Variants in NEK10 observed in about 807,000 individuals in gnomAD.
NEK10 encodes serine/threonine-protein kinase Nek10.
Under a neutral mutation model 159.8 loss-of-function variants are expected in NEK10, and 122 were observed. The ratio of observed to expected loss-of-function variants is 0.76; its 90% CI spans 0.66 to 0.89. The LOEUF (loss-of-function observed/expected upper bound fraction) is 0.89, where lower values mean the gene tolerates loss of function less well. Ranked by LOEUF, NEK10 falls within the 40% of genes least tolerant of loss-of-function variation. NEK10 has a pLI of 0.00. For synonymous variants in NEK10, 466 were observed against 457.1 expected, an observed-to-expected ratio of 1.02 and a Z score of -0.25; for missense variants, 1,342 against 1,323.1, an observed-to-expected ratio of 1.01 and a Z score of -0.22.
intron 18 of NEK10, 90 bp downstream of exon 18, chr3:27,291,172 A>T (rs2042966725): frequency 8.2e-7 from 1 of 1,219,228 alleles, no homozygotes; most frequent in Admixed American, 2.4e-5. Flanking sequence ...TTTCAATGAC[A>T]AGAGTTCTAA....
intron 23 of NEK10, among the ~76,000 whole-genome samples, chr3:27,239,485 A>C (rs1323840784): frequency 6.6e-6 from 1 of 152,186 alleles, no homozygotes; most frequent in Non-Finnish European, 1.5e-5. Flanking sequence ...GAGAATTTAT[A>C]ATTTTAATTT....
At chr3:27,309,814 T>C (rs754778397) in intron 9 of NEK10, 12 of 152,200 alleles carry the variant, frequency 7.9e-5, no homozygotes, top group Non-Finnish European at 1.5e-4. Context: ...ATGAATACTA[T>C]CGAGCATTCC....
chr3:27,220,862 T>G (rs1318863605), intron 23 of NEK10, among the ~76,000 whole-genome samples: 1 of 152,118 alleles, frequency 6.6e-6, no homozygotes, highest in African/African-American at 2.4e-5. Flanking sequence ...CCTTGAGAAA[T>G]AAACCTTATA....
chr3:27,287,329 G>T (rs2042693564), intron 20 of NEK10, among the ~76,000 whole-genome samples: 1 of 152,062 alleles, frequency 6.6e-6, no homozygotes, highest in Non-Finnish European at 1.5e-5. Flanking sequence ...AACTTATTTT[G>T]GGGATGGAAA....
At position 27,287,863 on chromosome 3, in the gene NEK10, C is replaced by T. The variant is rs576678706; in HGVS notation, c.1744-120G>A. On this transcript the variant is annotated intron_variant, in intron 19 of 35. Coordinates refer to ENST00000691995, the MANE Select transcript of NEK10 (RefSeq NM_001394966.1). ...AAAGAAATTATATTTATTTACAAAACTAAGCATTTCAAGATATCATCGAAC... is the reference window on the plus strand; with the variant it reads ...AAAGAAATTATATTTATTTACAAAATTAAGCATTTCAAGATATCATCGAAC... The T allele has an allele frequency of 2.9e-5, 32 of 1,090,450 alleles. No homozygotes were observed. In the African/African-American group the frequency reaches 5.2e-4, roughly 18 times the overall value. 67.5% of individuals were successfully genotyped at this position (1,090,450 alleles called of 1,614,324 possible).
chr3:27,311,423 T>A (rs895641253), intron 8 of NEK10: 1 of 158,902 alleles, frequency 6.3e-6, no homozygotes, highest in African/African-American at 2.4e-5. Context: ...AAAATAGTCA[T>A]CCTCAAAGAG....
intron 31 of NEK10, among the ~76,000 whole-genome samples, chr3:27,135,866 G>C (rs1394224104): frequency 6.6e-6 from 1 of 152,118 alleles, no homozygotes; most frequent in Non-Finnish European, 1.5e-5. Flanking sequence ...GGTCACCCTT[G>C]CCATTAGTAC....
chr3:27,314,234 A>G (rs1437575179), intron 7 of NEK10, 63 bp downstream of exon 7: 1 of 1,186,212 alleles, frequency 8.4e-7, no homozygotes. Flanking sequence ...TACCCTTTTA[A>G]TTCTTGCTCA....
At chr3:27,201,392 T>G in intron 25 of NEK10, 118 bp downstream of exon 25, 1 of 817,380 alleles carries the variant, frequency 1.2e-6, no homozygotes, top group Non-Finnish European at 1.9e-6. Flanking sequence ...TCTTTCTAGA[T>G]TTGGATTATG....
intron 23 of NEK10, among the ~76,000 whole-genome samples, chr3:27,204,275 C>CTTTTTTTTTTTTT (rs1203026508): frequency 3.8e-4 from 24 of 63,938 alleles, no homozygotes; most frequent in Non-Finnish European, 6.3e-4. Flanking sequence ...GATAAATTTT[C>CTTTTTTTTTTTTT]TTTTTTTTTT....
intron 22 of NEK10, among the ~76,000 whole-genome samples, chr3:27,258,626 C>T (rs1033132249): frequency 1.3e-5 from 2 of 152,124 alleles, no homozygotes; most frequent in African/African-American, 2.4e-5. Context: ...CATTGTTGGA[C>T]ATTTGGGTTG....
chr3:27,291,436 T>C, intron 17 of NEK10, 46 bp from the exon 18 acceptor site: 51 of 1,606,382 alleles, frequency 3.2e-5, no homozygotes, highest in Non-Finnish European at 4.3e-5. Flanking sequence ...ATAAATTACA[T>C]CCTGACTACA....
chr3:27,194,163 T>C (rs1949369012), intron 25 of NEK10: 1 of 149,700 alleles, frequency 6.7e-6, no homozygotes, highest in African/African-American at 2.5e-5. Flanking sequence ...TCTCGCTCTG[T>C]CGCCCAGTCT....
chr3:27,193,756 C>A (rs921021087), intron 25 of NEK10, among the ~76,000 whole-genome samples: 1 of 151,872 alleles, frequency 6.6e-6, no homozygotes, highest in Non-Finnish European at 1.5e-5. Context: ...TATCCTGAGC[C>A]CCTTTTGTAC....
chr3:27,303,461 A>T (rs1032984160), intron 12 of NEK10, among the ~76,000 whole-genome samples: 2 of 152,162 alleles, frequency 1.3e-5, no homozygotes, highest in African/African-American at 4.8e-5. Context: ...CATCATTACC[A>T]TCGTCATCCT....
Position 27,304,659 on chromosome 3 carries a change from G to A in NEK10, c.1028+88C>T, listed in dbSNP as rs901456730. 6 of 804,442 alleles carry A rather than the reference G, an allele frequency of 7.5e-6. No individual in the cohort carries two copies. The South Asian group carries it at 9.0e-5, about 12-fold the overall frequency. The allele number at this position is 804,442 out of a possible 1,614,324, so 49.8% of individuals were successfully genotyped here. On this transcript the variant is annotated intron_variant, in intron 12 of 35. Coordinates refer to ENST00000691995, the MANE Select transcript of NEK10 (RefSeq NM_001394966.1). Reference sequence around the variant, plus strand: ...GAAATCCCAAAGCAGGAGGGAATGAGGTGACACACACCAATCTGCCATCTT... The same window carrying A: ...GAAATCCCAAAGCAGGAGGGAATGAAGTGACACACACCAATCTGCCATCTT...
At chr3:27,226,240 T>A (rs1423471015) in intron 23 of NEK10, among the ~76,000 whole-genome samples, 11 of 151,244 alleles carry the variant, frequency 7.3e-5, no homozygotes, top group Non-Finnish European at 1.6e-4. Context: ...AGAGACAGGG[T>A]TTCACCGTGT....
chr3:27,179,027 T>C (rs1947801148), intron 26 of NEK10, among the ~76,000 whole-genome samples: 1 of 152,224 alleles, frequency 6.6e-6, no homozygotes, highest in African/African-American at 2.4e-5. Context: ...CTCGGTCTTC[T>C]GAGTAGCTGG....
intron 33 of NEK10, among the ~76,000 whole-genome samples, chr3:27,118,518 C>T (rs1940823424): frequency 6.6e-6 from 1 of 152,112 alleles, no homozygotes; most frequent in South Asian, 2.1e-4. Flanking sequence ...AAAGGCATAC[C>T]CCACAGTACT....
Sources: gnomAD v4.1 joint callset for allele counts (sites outside exome capture counted in the v4.1 genomes callset) on GRCh38, gnomAD v4.1.1 for gene constraint, MANE v1.5 for transcripts, NCBI Gene and HGNC (gene_info 2026-07-23, HGNC 2026-07-21) for gene names.